Variants in DLEC1 observed in about 807,000 individuals in gnomAD.
DLEC1 encodes the protein deleted in lung and esophageal cancer protein 1.
A neutral mutation model predicts 198.1 loss-of-function variants in DLEC1; 146 were observed. The observed-to-expected ratio is 0.74, with a 90% CI of 0.64 to 0.85. The LOEUF (loss-of-function observed/expected upper bound fraction) is 0.85. Ranked by LOEUF, DLEC1 falls within the 40% of genes least tolerant of loss-of-function variation. DLEC1 has a pLI of 0.00. For synonymous variants in DLEC1, 897 were observed against 866.8 expected (o/e 1.03, Z -0.61); for missense variants, 2,233 against 2,220.0 (o/e 1.01, Z -0.12).
rs139720262 is a variant in DLEC1, at chr3:38,122,342, A to C, written c.5198A>C (p.Lys1733Thr). ...TMVVEGVLGEKSCTLRLRGQG... is the reference protein window; with the variant it reads ...TMVVEGVLGETSCTLRLRGQG... ...GTGGTGGAAGGTGTGCTCGGTGAGAAGTCCTGCACCCTGCGGCTCCGGGGC... is the reference window on the plus strand; with the variant it reads ...GTGGTGGAAGGTGTGCTCGGTGAGACGTCCTGCACCCTGCGGCTCCGGGGC... Residue 1733 changes from lysine to threonine, a missense_variant, in exon 37 of 37, where the codon AAG (lysine) becomes ACG (threonine). By Grantham distance (78) the Lys-to-Thr change is moderately conservative. Transcript: ENST00000308059. 4.2e-4 allele frequency: 671 copies of C among 1,614,084 alleles called. 1 individual carries two copies. Among genetic ancestry groups the C allele is most frequent in the Non-Finnish European group, 5.1e-4 (604 of 1,180,000 alleles).
rs911927151 is a variant in DLEC1 at position 38,059,633 on chromosome 3, G to A, written c.563-109G>A. ...CAACATTCCCACAGGTTTCTGAGAA[G>A]GAATTTTGTTAGATAGTTTAGGCTT... is the stretch of plus-strand genomic sequence containing the variant. On this transcript the variant is annotated intron_variant, in intron 2 of 36. Transcript: ENST00000308059. 103 of 871,218 alleles carry A rather than the reference G, an allele frequency of 1.2e-4. 1 individual carries two copies. The Admixed American group carries it at 2.3e-3, about 20-fold the overall frequency. 54.0% of individuals were successfully genotyped at this position (871,218 alleles called of 1,614,324 possible). A position where few individuals can be genotyped will look rare whatever the true frequency, so the allele number is the denominator to read the frequency against.
At chr3:38,066,339 T>TA (rs1204629482) in intron 6 of DLEC1, among the ~76,000 whole-genome samples, 25 of 152,314 alleles carry the variant, frequency 1.6e-4, no homozygotes, top group African/African-American at 5.5e-4. Context: ...ATTTTCCATT[T>TA]AAAAAACAGA....
At chr3:38,063,991 A>C (rs1214224882) in intron 6 of DLEC1, 72 bp downstream of exon 6, 4 of 906,252 alleles carry the variant, frequency 4.4e-6, no homozygotes, top group Non-Finnish European at 6.3e-6. Context: ...TATTATGGAA[A>C]TTTTCTTTTT....
At chr3:38,079,000 A>G (rs1466408204) in intron 6 of DLEC1, among the ~76,000 whole-genome samples, 2 of 151,804 alleles carry the variant, frequency 1.3e-5, no homozygotes, top group African/African-American at 4.8e-5. Flanking sequence ...TCCTTTCAAA[A>G]CATGCTGTGG....
chr3:38,097,402 G>A (rs569874095), intron 16 of DLEC1, 105 bp from the exon 17 acceptor site: 13 of 1,568,628 alleles, frequency 8.3e-6, no homozygotes, highest in Middle Eastern at 1.7e-4. Context: ...GGCCTGGGAT[G>A]TGAGGGAGAT....
Position 38,084,177 on chromosome 3 carries a change from A to G in DLEC1, c.1193A>G (p.Asn398Ser). 6.2e-7 allele frequency: 1 copy of G among 1,613,162 alleles called. No homozygotes were observed. The highest frequency in any genetic ancestry group is 8.5e-7 in the Non-Finnish European group (1 of 1,179,352). The change falls in exon 7 of 37, where the codon AAC (asparagine) becomes AGC (serine). Residue 398 changes from asparagine (N) to serine (S), a missense_variant. Asn to Ser is a conservative substitution (Grantham distance 46). Coordinates refer to ENST00000308059, the MANE Select transcript of DLEC1 (RefSeq NM_007335.4). ...CAACAGATGGTAATTGCGCTGCAGA[A>G]CACCACCACGACCAGCCGCTACCTG... ...PVYEMVIALQNTTTTSRYLRV... is the reference protein window; with the variant it reads ...PVYEMVIALQSTTTTSRYLRV...
At position 38,039,583 on chromosome 3, in the gene DLEC1, G is replaced by T. The variant is rs745547261; in HGVS notation, c.358G>T (p.Ala120Ser). 1 of 1,612,258 alleles carries T rather than the reference G, an allele frequency of 6.2e-7. No individual in the cohort carries two copies. Among genetic ancestry groups the T allele is most frequent in the South Asian group, 1.1e-5 (1 of 91,042 alleles). Residue 120 changes from alanine to serine, a missense_variant, in exon 1 of 37, where the codon GCC becomes TCC. Physicochemically the swap from Ala to Ser is moderately conservative, Grantham distance 99. Coordinates refer to ENST00000308059, the MANE Select transcript of DLEC1 (RefSeq NM_007335.4). ...GDEVSASLIK[A>S]RGSENERHEE... is the part of the protein sequence containing the mutation. ...CGAAGTGAGCGCAAGCTTGATCAAG[G>T]CCCGCGGCAGCGAGAATGAGCGCCA...
rs1250674845 is a variant in DLEC1, at chr3:38,054,230, CAAACAA to C, written c.563-5499_563-5494del. Among the ~76,000 whole-genome samples the C allele has an allele frequency of 5.6e-3, 842 of 151,646 alleles. 5 individuals carry two copies. The highest frequency in any genetic ancestry group is 0.019 in the African/African-American group (794 of 41,288). ...AAAACAAAACAAAAAAACAAACAAA[CAAACAA>C]AAACAAAAACAAGGGTTTGAAGTTT... On this transcript the variant is annotated intron_variant, in intron 2 of 36. Coordinates refer to ENST00000308059, the MANE Select transcript of DLEC1 (RefSeq NM_007335.4).
rs749824570 is a variant in DLEC1 at position 38,117,308 on chromosome 3, T to G, written c.4400+6T>G. The G allele has an allele frequency of 1.2e-5, 20 of 1,613,624 alleles. No individual in the cohort carries two copies. On this transcript the variant is annotated splice_donor_region_variant and intron_variant, in intron 31 of 36. Coordinates refer to ENST00000308059, the MANE Select transcript of DLEC1 (RefSeq NM_007335.4). ...AGCTACGTGAGGCCTGCACAGTGAGTCAGCTGGGGTGCCCCATCTCCTTTC... is the reference window on the plus strand; with the variant it reads ...AGCTACGTGAGGCCTGCACAGTGAGGCAGCTGGGGTGCCCCATCTCCTTTC...
chr3:38,096,994 C>T (rs1351271104), intron 15 of DLEC1, among the ~76,000 whole-genome samples, 188 bp from the exon 16 acceptor site: 1 of 152,186 alleles, frequency 6.6e-6, no homozygotes, highest in Non-Finnish European at 1.5e-5. Flanking sequence ...AGTATGTCAG[C>T]CACAGGCACT....
At chr3:38,100,488 T>G in intron 19 of DLEC1, 63 bp downstream of exon 19, 1 of 1,449,450 alleles carries the variant, frequency 6.9e-7, no homozygotes. Context: ...TATTTATCTA[T>G]ATTATATATT....
intron 6 of DLEC1, among the ~76,000 whole-genome samples, chr3:38,071,549 A>G (rs185183640): frequency 2.1e-3 from 322 of 152,354 alleles, no homozygotes; most frequent in Admixed American, 3.5e-3. Flanking sequence ...TGGAAATTTC[A>G]GCGGGGAAGT....
At chr3:38,046,770 A>G (rs1358903455) in intron 2 of DLEC1, among the ~76,000 whole-genome samples, 2 of 152,076 alleles carry the variant, frequency 1.3e-5, no homozygotes, top group Non-Finnish European at 2.9e-5. Context: ...TGACTGTCCT[A>G]CTGTGGCTTT....
chr3:38,074,101 G>C (rs1697471594), intron 6 of DLEC1, among the ~76,000 whole-genome samples: 1 of 152,204 alleles, frequency 6.6e-6, no homozygotes, highest in Admixed American at 6.5e-5. Context: ...TTGGCCTAGT[G>C]GCCAGATTTC....
rs535903325 is a variant in DLEC1, at chr3:38,063,947, C to T, written c.1173+28C>T. 47 of 1,450,380 alleles carry T rather than the reference C, an allele frequency of 3.2e-5. No individual in the cohort carries two copies. The East Asian group carries it at 8.8e-4, about 27-fold the overall frequency. 89.8% of individuals were successfully genotyped at this position (1,450,380 alleles called of 1,614,324 possible). ...AGACATCTTGTTTCTTTACAGCTCC[C>T]ACCCCATCTGCTTTCTTATTTTTAA... On this transcript the variant is annotated intron_variant, in intron 6 of 36. Transcript: ENST00000308059.
chr3:38,039,736 G>A (rs1181550204), intron 1 of DLEC1, 100 bp downstream of exon 1: 23 of 1,461,176 alleles, frequency 1.6e-5, no homozygotes, highest in Non-Finnish European at 2.0e-5. Context: ...CCAGGATCTG[G>A]GGCTGCAGTT....
At chr3:38,079,364 C>T (rs886170929) in intron 6 of DLEC1, among the ~76,000 whole-genome samples, 2 of 152,040 alleles carry the variant, frequency 1.3e-5, no homozygotes, top group African/African-American at 4.8e-5. Context: ...TGTCAATACC[C>T]ACAACAGTTA....
intron 12 of DLEC1, among the ~76,000 whole-genome samples, chr3:38,094,377 G>T (rs1698900271): frequency 6.6e-6 from 1 of 152,006 alleles, no homozygotes; most frequent in South Asian, 2.1e-4. Flanking sequence ...CCCCTCCTAT[G>T]CTATGGAGTT....
chr3:38,073,208 T>C (rs761931167), intron 6 of DLEC1, among the ~76,000 whole-genome samples: 8 of 152,148 alleles, frequency 5.3e-5, no homozygotes, highest in East Asian at 1.9e-4. Context: ...AAAGAGTGTA[T>C]GGGTTGGGCA....
Sources: gnomAD v4.1 joint callset for allele counts (sites outside exome capture counted in the v4.1 genomes callset) on GRCh38, gnomAD v4.1.1 for gene constraint, MANE v1.5 for transcripts, NCBI Gene and HGNC (gene_info 2026-07-23, HGNC 2026-07-21) for gene names.